The following POLG variants were observed in gnomAD, a reference collection of about 807,000 sequenced individuals.
The protein encoded by POLG is DNA polymerase gamma, catalytic subunit.
Under a neutral mutation model 155.4 loss-of-function variants are expected in POLG, and 110 were observed. That is an observed-to-expected ratio of 0.71 (90% CI 0.61 to 0.83). The LOEUF (loss-of-function observed/expected upper bound fraction) is 0.83. Ranked by LOEUF, POLG falls within the 40% of genes least tolerant of loss-of-function variation. POLG has a pLI of 0.00. For missense variants in POLG, 1,685 were observed against 1,627.5 expected (o/e 1.04, Z -0.61); for synonymous variants, 701 against 631.5 (o/e 1.11, Z -1.65).
At position 89,333,729 on chromosome 15, in the gene POLG, A is replaced by G; in HGVS notation, c.26T>C (p.Val9Ala). Reference protein sequence around the residue: MSRLLWRKVAGATVGPGPV... With the variant: MSRLLWRKAAGATVGPGPV... The stretch of plus-strand genomic sequence containing the variant: ...CCCTGGCCCGACGGTGGCGCCGGCC[A>G]CCTTCCTCCAGAGCAGGCGGCTCAT... Residue 9 changes from valine (V) to alanine (A), a missense_variant, in exon 2 of 23, where the codon GTG (valine) becomes GCG (alanine). Transcript: ENST00000268124. 1 of 1,535,610 alleles carries G rather than the reference A, an allele frequency of 6.5e-7. No homozygotes were observed. Among genetic ancestry groups the G allele is most frequent in the East Asian group, 2.4e-5 (1 of 40,904 alleles).
chr15:89,321,945 C>T lies in POLG; in HGVS notation c.2480+17G>A, dbSNP rs762669285. On this transcript the variant is annotated intron_variant, in intron 15 of 22. Transcript: ENST00000268124. ...ACCTCAGTTCTCCTATCCCTACAAC[C>T]ACTCAGCAGACCATACCTGATCACA... 1.4e-5 allele frequency: 22 copies of T among 1,613,672 alleles called. No homozygotes were observed. In the Admixed American group the frequency reaches 3.7e-4, roughly 27 times the overall value.
At chr15:89,334,569 G>A (rs2055646701) in intron 1 of POLG, 104 bp downstream of exon 1, 2 of 152,260 alleles carry the variant, frequency 1.3e-5, no homozygotes, top group South Asian at 2.1e-4. Context: ...TGCGCCCTGG[G>A]ACTAGCCGCC....
At chr15:89,330,754 GC>G (rs2055583732) in intron 2 of POLG, among the ~76,000 whole-genome samples, 1 of 44,904 alleles carries the variant, frequency 2.2e-5, no homozygotes, top group Non-Finnish European at 4.0e-5. Context: ...AATGACAAAT[GC>G]TGCTGCACAC....
intron 2 of POLG, among the ~76,000 whole-genome samples, chr15:89,330,658 C>A (rs900765655): frequency 6.6e-6 from 1 of 151,812 alleles, no homozygotes; most frequent in East Asian, 1.9e-4. Context: ...AGGCACAAAC[C>A]AGCTACTGTT....
intron 2 of POLG, among the ~76,000 whole-genome samples, chr15:89,330,915 G>A (rs1442238812): frequency 6.6e-6 from 1 of 152,114 alleles, no homozygotes; most frequent in Non-Finnish European, 1.5e-5. Context: ...TGGGGTGGGA[G>A]GGATAGGGGA....
At position 89,320,294 on chromosome 15, in the gene POLG, G is replaced by A. The variant is rs968954946; in HGVS notation, c.2981+472C>T. 2.6e-5 allele frequency among the ~76,000 whole-genome samples: 4 copies of A among 152,174 alleles called. No homozygotes were observed. The East Asian group carries it at 7.7e-4, about 29-fold the overall frequency. On this transcript the variant is annotated intron_variant, in intron 18 of 22. Coordinates refer to ENST00000268124, the MANE Select transcript of POLG (RefSeq NM_002693.3). ...GCCCTGAGCACACAGTATGCAGTAC[G>A]ATCAGAGGAAACAAATTGGAGAGCT...
Position 89,316,615 on chromosome 15 carries a change from G to C in POLG, c.*136C>G, listed in dbSNP as rs2055273596. On this transcript the variant is annotated 3_prime_UTR_variant, in exon 23 of 23. Transcript: ENST00000268124. ...ACCTTCAGTTAGAAGGAATCTTCTT[G>C]GCAGGTCCTGCTACTGAAAAATGGC... is the stretch of plus-strand genomic sequence containing the variant. The C allele has an allele frequency of 9.1e-7, 1 of 1,097,210 alleles. No individual in the cohort carries two copies. The highest frequency in any genetic ancestry group is 1.6e-5 in the African/African-American group (1 of 64,346). The allele number at this position is 1,097,210 out of a possible 1,614,324, so 68.0% of individuals were successfully genotyped here. A position where few individuals can be genotyped will look rare whatever the true frequency, so the allele number is the denominator to read the frequency against.
chr15:89,322,677 G>A, intron 14 of POLG, 65 bp downstream of exon 14: 2 of 1,550,820 alleles, frequency 1.3e-6, no homozygotes, highest in South Asian at 1.1e-5. Context: ...TCCAGGGTTA[G>A]TCAGGGGTCC....
In POLG at chr15:89,319,064, C is replaced by T. The variant is rs768028281; in HGVS notation, c.3140G>A (p.Arg1047Gln). Residue 1047 changes from arginine (R) to glutamine (Q), a missense_variant, in exon 20 of 23, where the codon CGG becomes CAG. Transcript: ENST00000268124. ...QWKKWEVVAE[R>Q]AWKGGTESEM... is the part of the protein sequence containing the mutation. ...TGACTCTGTGCCCCCCTTCCATGCC[C>T]GTTCAGCAACCACCTCCCACTTCTT... 3.7e-6 allele frequency: 6 copies of T among 1,614,050 alleles called. No homozygotes were observed. The highest frequency in any genetic ancestry group is 1.3e-5 in the African/African-American group (1 of 74,894).
At chr15:89,330,338 A>C in intron 2 of POLG, 62 bp from the exon 3 acceptor site, 1 of 1,208,980 alleles carries the variant, frequency 8.3e-7, no homozygotes, top group South Asian at 1.3e-5. Context: ...CTCCACAACA[A>C]CCACTGCACA....
rs149597862 is a variant in POLG at position 89,325,071 on chromosome 15, AGT to A, written c.1949+377_1949+378del. 1.5e-3 allele frequency among the ~76,000 whole-genome samples: 157 copies of A among 106,652 alleles called. 17 individuals carry two copies. The highest frequency in any genetic ancestry group is 5.7e-3 in the African/African-American group (139 of 24,336). 70.0% of individuals were successfully genotyped at this position (106,652 alleles called of 152,430 possible). A position where few individuals can be genotyped will look rare whatever the true frequency, so the allele number is the denominator to read the frequency against. On this transcript the variant is annotated intron_variant, in intron 10 of 22. Coordinates refer to ENST00000268124, the MANE Select transcript of POLG (RefSeq NM_002693.3). The stretch of plus-strand genomic sequence containing the variant: ...GAGTGAGTGAGAGAGTGAGTGAGTG[AGT>A]GAGTGAGTGAGAGAGTGAGTGAGTG...
chr15:89,327,985 T>C (rs2055545234), intron 6 of POLG, among the ~76,000 whole-genome samples: 1 of 151,170 alleles, frequency 6.6e-6, no homozygotes, highest in East Asian at 1.9e-4. Context: ...ATATGTATTA[T>C]GTTATCAGTA....
Position 89,333,569 on chromosome 15 carries a change from T to C in POLG, c.186A>G (p.Leu62=), listed in dbSNP as rs745310138. 3.7e-5 allele frequency: 60 copies of C among 1,610,600 alleles called. No individual in the cohort carries two copies. In the Admixed American group the frequency reaches 4.7e-4, roughly 13 times the overall value. The stretch of plus-strand genomic sequence containing the variant: ...GCCGCAGCTGCCCGCCCTCCGAGGA[T>C]AGCACTTGCGGCTGCTGAGGCTGCT... ...QQQQPQQPQV[L]SSEGGQLRHN... is the part of the protein sequence containing the mutation. The change falls in exon 2 of 23, where the codon CTA becomes CTG. Residue 62 remains leucine (L), a synonymous_variant. Transcript: ENST00000268124.
Position 89,322,814 on chromosome 15 carries a change from C to A in POLG, c.2354G>T (p.Gly785Val). 1.2e-6 allele frequency: 2 copies of A among 1,614,136 alleles called. No homozygotes were observed. The highest frequency in any genetic ancestry group is 1.7e-6 in the Non-Finnish European group (2 of 1,180,006). The change falls in exon 14 of 23, where the codon GGT becomes GTT. Residue 785 changes from glycine (G) to valine (V), a missense_variant. Coordinates refer to ENST00000268124, the MANE Select transcript of POLG (RefSeq NM_002693.3). Reference sequence around the variant, plus strand: ...TTCCAGAGCACGGGGCCCACTGGCACCTCCTGGGCCAGCCTGCAGGGTGCC... The same window carrying A: ...TTCCAGAGCACGGGGCCCACTGGCAACTCCTGGGCCAGCCTGCAGGGTGCC... ...EDGTLQAGPG[G>V]ASGPRALEIN... is the part of the protein sequence containing the mutation.
At chr15:89,320,327 G>C (rs2055376522) in intron 18 of POLG, among the ~76,000 whole-genome samples, 1 of 152,206 alleles carries the variant, frequency 6.6e-6, no homozygotes, top group Admixed American at 6.5e-5. Context: ...GCTAGGCTAA[G>C]TAACCTGGAG....
intron 1 of POLG, chr15:89,334,245 T>C (rs1346889709): frequency 5.3e-6 from 1 of 188,636 alleles, no homozygotes; most frequent in Non-Finnish European, 1.1e-5. Context: ...TGATATCCTA[T>C]TCTGTAAAAT....
intron 6 of POLG, 123 bp from the exon 7 acceptor site, chr15:89,327,472 G>A: frequency 1.2e-6 from 1 of 845,714 alleles, no homozygotes; most frequent in African/African-American, 1.7e-5. Flanking sequence ...AAGTCAGACG[G>A]CATTAAATCC....
At position 89,324,186 on chromosome 15, in the gene POLG, C is replaced by T. The variant is rs773073959; in HGVS notation, c.1991G>A (p.Gly664Glu). 1.1e-5 allele frequency: 18 copies of T among 1,613,724 alleles called. No homozygotes were observed. In the Admixed American group the frequency reaches 2.5e-4, roughly 22 times the overall value. Residue 664 changes from glycine to glutamate, a missense_variant, in exon 11 of 23, where the codon GGG (glycine) becomes GAG (glutamate). Gly to Glu is a moderately conservative substitution (Grantham distance 98, BLOSUM62 -2). This residue lies in a region of POLG where 1,210 missense variants were observed against 1,167.1 expected (regional missense o/e 1.04). Coordinates refer to ENST00000268124, the MANE Select transcript of POLG (RefSeq NM_002693.3). ...CTCCTGGGGCATCAGCTGCTGCTTCCCCTGTTCGAGACAGTGCTTCCTGTA... is the reference window on the plus strand; with the variant it reads ...CTCCTGGGGCATCAGCTGCTGCTTCTCCTGTTCGAGACAGTGCTTCCTGTA... ...SLYRKHCLEQ[G>E]KQQLMPQEAG... is the part of the protein sequence containing the mutation.
intron 3 of POLG, among the ~76,000 whole-genome samples, chr15:89,329,688 C>G (rs985270132): frequency 6.6e-6 from 1 of 152,142 alleles, no homozygotes. Flanking sequence ...CCTATTAATC[C>G]TATGAGATTT....
Sources: allele counts gnomAD v4.1 joint callset (sites outside exome capture counted in the v4.1 genomes callset), GRCh38; gene constraint gnomAD v4.1.1; regional missense constraint gnomAD v4.1.1; transcripts MANE v1.5; gene names NCBI Gene and HGNC (gene_info 2026-07-23, HGNC 2026-07-21).